Variants in KCNH2 observed in about 807,000 individuals in gnomAD.
KCNH2 encodes the protein potassium voltage-gated channel subfamily H member 2, also known as voltage-gated inwardly rectifying potassium channel KCNH2.
In KCNH2, 35 loss-of-function variants were observed where a neutral mutation model predicts 95.9. The observed-to-expected ratio is 0.37, with a 90% CI of 0.28 to 0.48. The LOEUF (loss-of-function observed/expected upper bound fraction) is 0.48, where lower values mean the gene tolerates loss of function less well. Among genes scored for constraint, KCNH2 ranks in the 20% least tolerant of loss-of-function variants. The pLI is 0.99. For synonymous variants in KCNH2, 786 were observed against 754.7 expected (o/e 1.04, Z -0.68); for missense variants, 1,274 against 1,702.9 (o/e 0.75, Z 4.43).
intron 2 of KCNH2, among the ~76,000 whole-genome samples, chr7:150,974,254 T>A (rs921651694): frequency 1.3e-5 from 2 of 152,170 alleles, no homozygotes; most frequent in South Asian, 4.1e-4. Flanking sequence ...TGTCCCTCCA[T>A]GACATCTCCC....
In KCNH2 at chr7:150,945,559, AGGAGGAAGG is replaced by A; in HGVS notation, c.3331-54_3331-46del. 6.5e-7 allele frequency: 1 copy of A among 1,549,416 alleles called. No individual in the cohort carries two copies. The highest frequency in any genetic ancestry group is 8.7e-7 in the Non-Finnish European group (1 of 1,144,686). ...TGGGCAGGCGAAGAGGCCATGGAGG[AGGAGGAAGG>A]GGAGGGAAAGGGGCAGGAGAACCCG... On this transcript the variant is annotated intron_variant, in intron 14 of 14. Coordinates refer to ENST00000262186, the MANE Select transcript of KCNH2 (RefSeq NM_000238.4). The surrounding 1 kb of genome is among the most constrained non-coding windows in gnomAD (Gnocchi z 5.6).
At chr7:150,948,000 C>T (rs1584845796) in intron 11 of KCNH2, 122 bp from the exon 12 acceptor site, 3 of 1,219,514 alleles carry the variant, frequency 2.5e-6, no homozygotes, top group South Asian at 1.6e-5. Context: ...GGTTTGTCCC[C>T]AGTCGCTTCT....
At chr7:150,950,670 G>A (rs1046490426) in intron 8 of KCNH2, among the ~76,000 whole-genome samples, 6 of 152,130 alleles carry the variant, frequency 3.9e-5, no homozygotes, top group Admixed American at 2.6e-4. Flanking sequence ...GACCATTCCC[G>A]CCCTGGGCTG....
At position 150,946,210 on chromosome 7, in the gene KCNH2, GAC is replaced by G. The variant is rs1484551423; in HGVS notation, c.3330+665_3330+666del. 6.6e-6 allele frequency among the ~76,000 whole-genome samples: 1 copy of G among 150,664 alleles called. No individual in the cohort carries two copies. Among genetic ancestry groups the G allele is most frequent in the African/African-American group, 2.4e-5 (1 of 40,900 alleles). ...CACCATGGACGCGGAGGTTGACACA[GAC>G]ACCGCCATCCTGCAGAGGCCAGGAA... On this transcript the variant is annotated intron_variant, in intron 14 of 14. Coordinates refer to ENST00000262186, the MANE Select transcript of KCNH2 (RefSeq NM_000238.4). The surrounding 1 kb of genome is among the most constrained non-coding windows in gnomAD (Gnocchi z 6.5).
chr7:150,962,500 C>T lies in KCNH2; in HGVS notation c.308-2764G>A, dbSNP rs891419839. Among the ~76,000 whole-genome samples the T allele has an allele frequency of 2.0e-5, 3 of 152,104 alleles. No homozygotes were observed. Among genetic ancestry groups the T allele is most frequent in the African/African-American group, 7.2e-5 (3 of 41,414 alleles). On this transcript the variant is annotated intron_variant, in intron 2 of 14. Transcript: ENST00000262186. This position sits in a 1 kb window ranked among gnomAD's most constrained non-coding sequence, Gnocchi z 5.7. The stretch of plus-strand genomic sequence containing the variant: ...TGCTCAGCAAGACAGCCCAGAATGG[C>T]ATTCTGAAGCCCACCCAGTCCAGGA...
Position 150,946,503 on chromosome 7 carries a change from C to A in KCNH2, c.3330+374G>T, listed in dbSNP as rs1320558285. Among the ~76,000 whole-genome samples the A allele has an allele frequency of 6.6e-6, 1 of 152,190 alleles. No individual in the cohort carries two copies. Among genetic ancestry groups the A allele is most frequent in the East Asian group, 1.9e-4 (1 of 5,182 alleles). On this transcript the variant is annotated intron_variant, in intron 14 of 14. Coordinates refer to ENST00000262186, the MANE Select transcript of KCNH2 (RefSeq NM_000238.4). The surrounding 1 kb of genome is among the most constrained non-coding windows in gnomAD (Gnocchi z 6.5). ...GCAGCCTCCACCGCCACGTCTCGGG[C>A]TCAGTCAGTTCTTGGAGACCACCCG... is the stretch of plus-strand genomic sequence containing the variant.
At chr7:150,968,841 C>T (rs1415742773) in intron 2 of KCNH2, among the ~76,000 whole-genome samples, 2 of 152,154 alleles carry the variant, frequency 1.3e-5, no homozygotes, top group Admixed American at 1.3e-4. Flanking sequence ...GGATCAGGCT[C>T]ATTTCCCACG....
chr7:150,965,392 C>T (rs1269681042), intron 2 of KCNH2, among the ~76,000 whole-genome samples: 2 of 152,178 alleles, frequency 1.3e-5, no homozygotes, highest in Non-Finnish European at 2.9e-5. Context: ...AGCTCTGGGG[C>T]CCGGCTCTGC....
At chr7:150,966,519 A>G (rs1801711562) in intron 2 of KCNH2, among the ~76,000 whole-genome samples, 1 of 151,960 alleles carries the variant, frequency 6.6e-6, no homozygotes. Context: ...AAACATAAAC[A>G]GCGAAAACTG....
chr7:150,969,420 A>C (rs1298309411), intron 2 of KCNH2, among the ~76,000 whole-genome samples: 2 of 151,620 alleles, frequency 1.3e-5, no homozygotes, highest in African/African-American at 4.9e-5. Flanking sequence ...TGGCAGCTCT[A>C]AGACTCTGTC....
intron 9 of KCNH2, chr7:150,949,416 T>C: frequency 2.0e-6 from 2 of 1,022,340 alleles, no homozygotes; most frequent in East Asian, 1.4e-4. Flanking sequence ...GCATTTTTTT[T>C]TTTTTTTTTT....
At position 150,948,855 on chromosome 7, in the gene KCNH2, C is replaced by T. The variant is rs1554424772; in HGVS notation, c.2592+1G>A. On this transcript the variant is annotated splice_donor_variant, in intron 10 of 14. Coordinates refer to ENST00000262186, the MANE Select transcript of KCNH2 (RefSeq NM_000238.4). LOFTEE classifies it high-confidence loss of function. ...GGTCCAGCTCAGGGCAGCCAACTCA[C>T]ATCTCGCAGGTTGAAGGTGATCTCC... is the stretch of plus-strand genomic sequence containing the variant. The T allele has an allele frequency of 6.2e-7, 1 of 1,614,168 alleles. No homozygotes were observed. Among genetic ancestry groups the T allele is most frequent in the Non-Finnish European group, 8.5e-7 (1 of 1,179,980 alleles).
intron 12 of KCNH2, 46 bp from the exon 13 acceptor site, chr7:150,947,560 C>T (rs748210472): frequency 8.1e-6 from 13 of 1,605,094 alleles, no homozygotes; most frequent in East Asian, 4.5e-5. Context: ...GACGCACCAC[C>T]GCTGCCACGC....
Position 150,958,223 on chromosome 7 carries a change from G to A in KCNH2, c.752C>T (p.Pro251Leu), listed in dbSNP as rs1801446130. 2 of 1,375,092 alleles carry A rather than the reference G, an allele frequency of 1.5e-6. No homozygotes were observed. The highest frequency in any genetic ancestry group is 3.0e-5 in the African/African-American group (2 of 66,324). 85.2% of individuals were successfully genotyped at this position (1,375,092 alleles called of 1,614,324 possible). The change falls in exon 4 of 15, where the codon CCC (proline) becomes CTC (leucine). Residue 251 changes from proline (P) to leucine (L), a missense_variant. Pro to Leu is a moderately conservative substitution (Grantham distance 98). Transcript: ENST00000262186. ...GTCGGGGTTGAGGCTGTGCGCCCGG[G>A]GCGATGGGAGCTGGCCGGGCGCGCT... ...PRSAPGQLPSPRAHSLNPDAS... is the reference protein window; with the variant it reads ...PRSAPGQLPSLRAHSLNPDAS...
chr7:150,950,402 C>G lies in KCNH2; in HGVS notation c.2164G>C (p.Glu722Gln). 1 of 1,612,052 alleles carries G rather than the reference C, an allele frequency of 6.2e-7. No individual in the cohort carries two copies. The highest frequency in any genetic ancestry group is 8.5e-7 in the Non-Finnish European group (1 of 1,179,966). Residue 722 changes from glutamate to glutamine, a missense_variant, in exon 9 of 15, where the codon GAG becomes CAG. Physicochemically the swap from Glu to Gln is conservative, Grantham distance 29. This residue lies in a region of KCNH2 where 159 missense variants were observed against 282.5 expected (regional missense o/e 0.56). Transcript: ENST00000262186. ...DMNAVLKGFP[E>Q]CLQADICLHL... ...AGGCAGATGTCAGCCTGCAGGCACT[C>G]AGGGAAGCCCTTCAGCACCTGGGGG...
intron 5 of KCNH2, among the ~76,000 whole-genome samples, chr7:150,955,207 TG>T (rs1196718572): frequency 5.9e-5 from 9 of 152,322 alleles, no homozygotes; most frequent in African/African-American, 2.2e-4. Flanking sequence ...ACGGAAACTC[TG>T]TAAGCCCAGC....
intron 4 of KCNH2, 57 bp downstream of exon 4, chr7:150,958,002 A>T: frequency 1.6e-6 from 2 of 1,250,164 alleles, no homozygotes; most frequent in Non-Finnish European, 2.0e-6. Flanking sequence ...GAATGCAGCA[A>T]GCCTGGCAGC....
chr7:150,945,600 G>A lies in KCNH2; in HGVS notation c.3331-86C>T. The A allele has an allele frequency of 2.2e-6, 3 of 1,388,376 alleles. No homozygotes were observed. The highest frequency in any genetic ancestry group is 1.2e-5 in the South Asian group (1 of 80,834). 86.0% of individuals were successfully genotyped at this position (1,388,376 alleles called of 1,614,324 possible). A position where few individuals can be genotyped will look rare whatever the true frequency, so the allele number is the denominator to read the frequency against. ...AAAGGGGCAGGAGAACCCGGGGACA[G>A]AGGATGGACGGGAGGACAGGAGGGC... On this transcript the variant is annotated intron_variant, in intron 14 of 14. Coordinates refer to ENST00000262186, the MANE Select transcript of KCNH2 (RefSeq NM_000238.4). The surrounding 1 kb of genome is among the most constrained non-coding windows in gnomAD (Gnocchi z 5.6).
chr7:150,948,417 C>CCCCCTTCCT (rs904409224), intron 11 of KCNH2, 27 bp downstream of exon 11: 1 of 1,038,654 alleles, frequency 9.6e-7, no homozygotes, highest in African/African-American at 1.6e-5. Context: ...TCCCCGCCCT[C>CCCCCTTCCT]CCCCTTCCTC....
Sources: gnomAD v4.1 joint callset for allele counts (sites outside exome capture counted in the v4.1 genomes callset) on GRCh38, gnomAD v4.1.1 for gene constraint, gnomAD v4.1.1 regional missense constraint, Gnocchi (gnomAD v3.1) non-coding constraint, MANE v1.5 for transcripts, NCBI Gene and HGNC (gene_info 2026-07-23, HGNC 2026-07-21) for gene names.